The following SP4 variants were observed in gnomAD, a reference collection of about 807,000 sequenced individuals.
The protein encoded by SP4 is Sp4 transcription factor.
In SP4, 19 loss-of-function variants were observed where a neutral mutation model predicts 72.8. The observed-to-expected ratio is 0.26, with a 90% confidence interval of 0.18 to 0.38. SP4 has a LOEUF of 0.38. SP4 is among the 10% of genes least tolerant of loss of function. The probability of loss-of-function intolerance (pLI) is 1.00; values close to 1 mark genes in which losing one functional copy is unlikely to be tolerated. For synonymous variants in SP4, 395 were observed against 333.1 expected (o/e 1.19, Z -2.02); for missense variants, 1,008 against 926.3 (o/e 1.09, Z -1.14).
At chr7:21,506,348 GC>G (rs962265556) in intron 5 of SP4, among the ~76,000 whole-genome samples, 1 of 152,086 alleles carries the variant, frequency 6.6e-6, no homozygotes, top group Non-Finnish European at 1.5e-5. Context: ...AGGTGCTCCT[GC>G]CCCCGACTAG....
intron 3 of SP4, among the ~76,000 whole-genome samples, chr7:21,471,446 A>G (rs191537855): frequency 2.1e-4 from 32 of 152,306 alleles, no homozygotes; most frequent in African/African-American, 6.5e-4. Flanking sequence ...TTTGAGTTGG[A>G]TAAGTGTGGG....
At position 21,428,222 on chromosome 7, in the gene SP4, C is replaced by T. The variant is rs777097505; in HGVS notation, c.-30C>T. 9.2e-7 allele frequency: 1 copy of T among 1,085,058 alleles called. No individual in the cohort carries two copies. The highest frequency in any genetic ancestry group is 1.3e-5 in the South Asian group (1 of 76,500). 67.2% of individuals were successfully genotyped at this position (1,085,058 alleles called of 1,614,324 possible). A position where few individuals can be genotyped will look rare whatever the true frequency, so the allele number is the denominator to read the frequency against. Reference sequence around the variant, plus strand: ...CCCACCCACCTCTATCCCAGTGTCTCCGTCTGAGGGTTTGTCCTGTTAATG... The same window carrying T: ...CCCACCCACCTCTATCCCAGTGTCTTCGTCTGAGGGTTTGTCCTGTTAATG... On this transcript the variant is annotated 5_prime_UTR_variant, in exon 1 of 6. Transcript: ENST00000222584.
intron 3 of SP4, among the ~76,000 whole-genome samples, chr7:21,470,230 G>C (rs1402121889): frequency 1.3e-5 from 2 of 152,218 alleles, no homozygotes; most frequent in Admixed American, 6.5e-5. Flanking sequence ...CATTCATTAA[G>C]TACTTTCAGT....
intron 5 of SP4, among the ~76,000 whole-genome samples, chr7:21,487,762 ATGGTGGTGGTGGTGGTGGTGG>A (rs745424097): frequency 2.8e-5 from 2 of 71,168 alleles, no homozygotes; most frequent in Non-Finnish European, 9.8e-5. Context: ...GATGATGATG[ATGGTGGTGGTGGTGGTGGTGG>A]TGGTGGTGGT....
At position 21,470,749 on chromosome 7, in the gene SP4, G is replaced by GAAA. The variant is rs11406915; in HGVS notation, c.1679-6312_1679-6310dup. 6.6e-5 allele frequency among the ~76,000 whole-genome samples: 7 copies of GAAA among 105,320 alleles called. 1 individual carries two copies. The highest frequency in any genetic ancestry group is 2.4e-4 in the East Asian group (1 of 4,122). The allele number at this position is 105,320 out of a possible 152,430, so 69.1% of individuals were successfully genotyped here. Reference sequence around the variant, plus strand: ...TACCTTGGCCCAGTTTCTATATTTGGAAAAAAAAAAAAAAAAAAAAGCAGA... The same window carrying GAAA: ...TACCTTGGCCCAGTTTCTATATTTGGAAAAAAAAAAAAAAAAAAAAAAAGCAGA... On this transcript the variant is annotated intron_variant, in intron 3 of 5. Transcript: ENST00000222584.
At chr7:21,442,006 T>TTGTGTGTGTG (rs58100749) in intron 3 of SP4, among the ~76,000 whole-genome samples, 1 of 130,534 alleles carries the variant, frequency 7.7e-6, no homozygotes, top group African/African-American at 3.0e-5. Context: ...GTGTGTGTGT[T>TTGTGTGTGTG]TGTGTGTGTG....
At chr7:21,479,642 T>G (rs572406273) in intron 4 of SP4, among the ~76,000 whole-genome samples, 2 of 152,336 alleles carry the variant, frequency 1.3e-5, no homozygotes, top group Non-Finnish European at 2.9e-5. Context: ...AATTTTAGAA[T>G]CAGTTTGTCA....
chr7:21,471,304 A>T (rs1784335154), intron 3 of SP4, among the ~76,000 whole-genome samples: 1 of 152,218 alleles, frequency 6.6e-6, no homozygotes, highest in African/African-American at 2.4e-5. Context: ...AAAACTGGTG[A>T]TAAGGGCTTG....
intron 5 of SP4, among the ~76,000 whole-genome samples, chr7:21,500,817 T>C (rs540392918): frequency 1.0e-3 from 157 of 152,162 alleles, no homozygotes; most frequent in Non-Finnish European, 1.8e-3. Flanking sequence ...CAGAATAATA[T>C]CCCTATATTA....
intron 3 of SP4, among the ~76,000 whole-genome samples, chr7:21,449,711 A>G (rs1436611051): frequency 6.6e-6 from 1 of 152,318 alleles, no homozygotes; most frequent in South Asian, 2.1e-4. Context: ...TTATAAATGG[A>G]AAAACTAAGG....
chr7:21,465,217 T>G (rs1035364151), intron 3 of SP4, among the ~76,000 whole-genome samples: 2 of 152,174 alleles, frequency 1.3e-5, no homozygotes, highest in Non-Finnish European at 2.9e-5. Context: ...ACCAAATGAC[T>G]AGAGTTGCCT....
chr7:21,504,366 C>T (rs1263084461), intron 5 of SP4, among the ~76,000 whole-genome samples: 3 of 152,176 alleles, frequency 2.0e-5, no homozygotes, highest in African/African-American at 7.2e-5. Flanking sequence ...ATAGTGCCTT[C>T]TTTGGCTTTA....
intron 5 of SP4, among the ~76,000 whole-genome samples, chr7:21,493,219 G>A (rs1031676614): frequency 3.4e-5 from 5 of 149,248 alleles, no homozygotes; most frequent in Non-Finnish European, 7.4e-5. Flanking sequence ...AAAATCATAC[G>A]AAGTATGTTC....
chr7:21,462,028 T>TTG (rs967776656), intron 3 of SP4, among the ~76,000 whole-genome samples: 15 of 25,654 alleles, frequency 5.8e-4, no homozygotes, highest in African/African-American at 2.9e-3. Flanking sequence ...TTAGTTTTAG[T>TTG]TTTTTTTTTT....
Position 21,512,056 on chromosome 7 carries a change from A to C in SP4, c.*787A>C, listed in dbSNP as rs902692959. 6 of 152,664 alleles carry C rather than the reference A, an allele frequency of 3.9e-5. No homozygotes were observed. The highest frequency in any genetic ancestry group is 1.4e-4 in the African/African-American group (6 of 41,476). The allele number at this position is 152,664 out of a possible 1,614,324, so 9.5% of individuals were successfully genotyped here. On this transcript the variant is annotated 3_prime_UTR_variant, in exon 6 of 6. Transcript: ENST00000222584. ...GAAAAATAAAATGAGGCATCTTAAC[A>C]TGCAATGTTCTAAAGTTAGGATTGA...
At chr7:21,480,663 C>T (rs929310327) in intron 4 of SP4, among the ~76,000 whole-genome samples, 1 of 152,100 alleles carries the variant, frequency 6.6e-6, no homozygotes, top group Non-Finnish European at 1.5e-5. Flanking sequence ...TTACTTTTCC[C>T]AAGAATCTCA....
At chr7:21,475,054 A>G (rs952328900) in intron 3 of SP4, among the ~76,000 whole-genome samples, 5 of 150,988 alleles carry the variant, frequency 3.3e-5, no homozygotes, top group African/African-American at 1.2e-4. Flanking sequence ...TGCCCCATAC[A>G]TTTAAGGTAC....
intron 3 of SP4, among the ~76,000 whole-genome samples, chr7:21,461,689 C>G (rs1230000787): frequency 6.6e-6 from 1 of 152,178 alleles, no homozygotes; most frequent in Non-Finnish European, 1.5e-5. Flanking sequence ...GAGAAGGGCT[C>G]CCACGATGCA....
At chr7:21,459,380 A>C (rs1042862468) in intron 3 of SP4, among the ~76,000 whole-genome samples, 2 of 152,070 alleles carry the variant, frequency 1.3e-5, no homozygotes, top group African/African-American at 4.8e-5. Context: ...CAGCCTCCTA[A>C]AGTGCTGGGA....
Sources: allele counts gnomAD v4.1 joint callset (sites outside exome capture counted in the v4.1 genomes callset), GRCh38; gene constraint gnomAD v4.1.1; transcripts MANE v1.5; gene names NCBI Gene and HGNC (gene_info 2026-07-23, HGNC 2026-07-21).